The following AKAP13 variants were observed in gnomAD, a reference collection of about 807,000 sequenced individuals.
AKAP13 encodes the protein A-kinase anchor protein 13.
In AKAP13, 80 loss-of-function variants were observed where a neutral mutation model predicts 264.5. The observed-to-expected ratio is 0.30, with a 90% CI of 0.25 to 0.36. The LOEUF is 0.36. Among genes scored for constraint, AKAP13 ranks in the 10% least tolerant of loss-of-function variants. The pLI, the probability that AKAP13 is intolerant of heterozygous loss-of-function variation, is 1.00. For missense variants in AKAP13, 3,712 were observed against 3,435.2 expected (o/e 1.08, Z -2.01); for synonymous variants, 1,380 against 1,250.2 (o/e 1.10, Z -2.19).
chr15:85,441,188 A>G (rs1237463400), intron 1 of AKAP13, among the ~76,000 whole-genome samples: 1 of 152,000 alleles, frequency 6.6e-6, no homozygotes, highest in African/African-American at 2.4e-5. Flanking sequence ...TTTTGCCAAT[A>G]CTTGGTATTT....
chr15:85,683,146 A>G (rs1015952285), intron 15 of AKAP13, among the ~76,000 whole-genome samples: 3 of 152,200 alleles, frequency 2.0e-5, no homozygotes, highest in African/African-American at 2.4e-5. Context: ...AACCCTTGCA[A>G]TGAATGCTTC....
intron 8 of AKAP13, among the ~76,000 whole-genome samples, chr15:85,589,477 C>G (rs995824471): frequency 2.0e-5 from 3 of 151,816 alleles, no homozygotes; most frequent in Non-Finnish European, 4.4e-5. Context: ...AAATCTCAGC[C>G]GGGCACAGCG....
chr15:85,617,210 A>T (rs11638762), intron 8 of AKAP13, among the ~76,000 whole-genome samples: 69,287 of 152,008 alleles, frequency 0.46, 16,108 homozygotes, highest in East Asian at 0.59. Flanking sequence ...CTGGACAGGG[A>T]TAGGGTAGAA....
intron 14 of AKAP13, among the ~76,000 whole-genome samples, chr15:85,680,483 T>G (rs1175814891): frequency 6.6e-6 from 1 of 152,082 alleles, no homozygotes. Flanking sequence ...AACCCTAAAC[T>G]GGGAAAAAGG....
chr15:85,740,960 G>GC, intron 34 of AKAP13, 86 bp from the exon 35 acceptor site: 1 of 1,513,724 alleles, frequency 6.6e-7, no homozygotes, highest in South Asian at 1.3e-5. Context: ...AGTGCCTGGT[G>GC]CCCCCTGCTG....
rs140849986 is a variant in AKAP13, at chr15:85,579,812, G to A, written c.1744G>A (p.Val582Ile). 6.8e-6 allele frequency: 11 copies of A among 1,614,092 alleles called. No homozygotes were observed. The highest frequency in any genetic ancestry group is 1.3e-5 in the African/African-American group (1 of 74,932). Residue 582 changes from valine (V) to isoleucine (I), a missense_variant, in exon 7 of 37, where the codon GTA (valine) becomes ATA (isoleucine). By Grantham distance (29) the Val-to-Ile change is conservative. Around this residue, in one of 3 missense-constraint regions of AKAP13, gnomAD observed 2,759 missense variants for 2,411.7 expected, o/e 1.14. Transcript: ENST00000394518. Reference protein sequence around the residue: ...RSREESADAPVDQNSVVIPAA... With the variant: ...RSREESADAPIDQNSVVIPAA... ...TCGTGAGGAGAGTGCTGATGCTCCA[G>A]TAGATCAGAATTCTGTGGTGATTCC...
At chr15:85,713,502 T>G (rs1333988545) in intron 19 of AKAP13, among the ~76,000 whole-genome samples, 1 of 147,710 alleles carries the variant, frequency 6.8e-6, no homozygotes, top group Non-Finnish European at 1.5e-5. Flanking sequence ...ATTCAGGTTA[T>G]GCTCCAGGCC....
rs533546623 is a variant in AKAP13 at position 85,560,384 on chromosome 15, C to A, written c.663-14747C>A. ...CTGGTCTTGAACTCTTAGCCTCAAG[C>A]AATCTTCTCACCTCAGCCTCCCAAA... is the stretch of plus-strand genomic sequence containing the variant. On this transcript the variant is annotated intron_variant, in intron 5 of 36. Transcript: ENST00000394518. Among the ~76,000 whole-genome samples the A allele has an allele frequency of 2.2e-4, 34 of 152,140 alleles. No homozygotes were observed. In the South Asian group the frequency reaches 6.8e-3, roughly 31 times the overall value.
intron 1 of AKAP13, among the ~76,000 whole-genome samples, chr15:85,418,725 C>T (rs191724626): frequency 2.1e-3 from 323 of 152,290 alleles, no homozygotes; most frequent in Non-Finnish European, 2.8e-3. Flanking sequence ...TTTTACTTCT[C>T]TGAACAGGAG....
intron 17 of AKAP13, 80 bp downstream of exon 17, chr15:85,693,531 T>C (rs2085401326): frequency 2.6e-6 from 4 of 1,568,486 alleles, no homozygotes; most frequent in South Asian, 1.2e-5. Flanking sequence ...CTGTCCCCAC[T>C]CATTATCTGT....
At chr15:85,671,653 T>A (rs371208663) in intron 14 of AKAP13, among the ~76,000 whole-genome samples, 10 of 141,400 alleles carry the variant, frequency 7.1e-5, no homozygotes, top group African/African-American at 2.6e-4. Context: ...TTTTTTTTTT[T>A]AATTTGGCTT....
rs891802283 is a variant in AKAP13 at position 85,398,687 on chromosome 15, C to G, written c.-12+17889C>G. ...TCTCCTGCCTCAGCCTCCCGAGTAG[C>G]TGGGATTACAGGCACATGCCACCAC... On this transcript the variant is annotated intron_variant, in intron 1 of 36. Transcript: ENST00000394518. Among the ~76,000 whole-genome samples, 30 of 152,140 alleles carry G rather than the reference C, an allele frequency of 2.0e-4. 1 individual carries two copies. Among genetic ancestry groups the G allele is most frequent in the Non-Finnish European group, 4.4e-5 (3 of 68,016 alleles).
At chr15:85,438,963 C>G (rs1213776667) in intron 1 of AKAP13, among the ~76,000 whole-genome samples, 67 of 144,562 alleles carry the variant, frequency 4.6e-4, no homozygotes, top group African/African-American at 1.7e-3. Context: ...CCAAAATTGA[C>G]AAATGGGATC....
intron 1 of AKAP13, among the ~76,000 whole-genome samples, chr15:85,391,702 C>G (rs537386469): frequency 6.6e-6 from 1 of 152,102 alleles, no homozygotes; most frequent in South Asian, 2.1e-4. Context: ...CCAGGCTGTT[C>G]CTGAACTCTT....
At chr15:85,504,100 G>A (rs1025974836) in intron 2 of AKAP13, among the ~76,000 whole-genome samples, 1 of 152,168 alleles carries the variant, frequency 6.6e-6, no homozygotes, top group Non-Finnish European at 1.5e-5. Context: ...CAACTTAATT[G>A]ATGACTTTGG....
intron 19 of AKAP13, among the ~76,000 whole-genome samples, chr15:85,715,198 G>C (rs560332833): frequency 1.3e-5 from 2 of 152,036 alleles, no homozygotes; most frequent in Admixed American, 1.3e-4. Flanking sequence ...TCTGCACTTT[G>C]ATTTTCCTCC....
chr15:85,406,467 TATATACC>T lies in AKAP13; in HGVS notation c.-12+25674_-12+25680del, dbSNP rs1187299087. On this transcript the variant is annotated intron_variant, in intron 1 of 36. Coordinates refer to ENST00000394518, the MANE Select transcript of AKAP13 (RefSeq NM_007200.5). ...AAGATGGGAAAAACAGTACCTATTT[TATATACC>T]ATATTGCTCGTTGCTGGACACATAT... Among the ~76,000 whole-genome samples, 18 of 151,490 alleles carry T rather than the reference TATATACC, an allele frequency of 1.2e-4. No individual in the cohort carries two copies. In the East Asian group the frequency reaches 2.9e-3, roughly 24 times the overall value.
chr15:85,553,633 A>G (rs1263948456), intron 5 of AKAP13, among the ~76,000 whole-genome samples: 2 of 152,194 alleles, frequency 1.3e-5, no homozygotes, highest in East Asian at 1.9e-4. Context: ...TAACTGGCCA[A>G]TAGAATTTCT....
At chr15:85,691,998 CCCA>C in intron 16 of AKAP13, 3 of 411,928 alleles carry the variant, frequency 7.3e-6, no homozygotes, top group South Asian at 5.1e-5. Flanking sequence ...TCCCTGGAAC[CCCA>C]TTTTTTTAAA....
Sources: allele counts gnomAD v4.1 joint callset (sites outside exome capture counted in the v4.1 genomes callset), GRCh38; gene constraint gnomAD v4.1.1; regional missense constraint gnomAD v4.1.1; transcripts MANE v1.5; gene names NCBI Gene and HGNC (gene_info 2026-07-23, HGNC 2026-07-21).